Variants in MAP4 observed in about 807,000 individuals in gnomAD.
MAP4 encodes the protein microtubule-associated protein 4.
Under a neutral mutation model 170.2 loss-of-function variants are expected in MAP4, and 76 were observed. The observed-to-expected ratio is 0.45, with a 90% confidence interval of 0.37 to 0.54. The LOEUF (loss-of-function observed/expected upper bound fraction) is 0.54. MAP4 is among the 20% of genes least tolerant of loss of function. The pLI is 0.00. For missense variants in MAP4, 2,506 were observed against 2,748.0 expected (o/e 0.91, Z 1.97); for synonymous variants, 909 against 994.5 (o/e 0.91, Z 1.62).
intron 1 of MAP4, among the ~76,000 whole-genome samples, chr3:48,012,707 T>C (rs896473026): frequency 7.2e-5 from 11 of 151,772 alleles, no homozygotes; most frequent in African/African-American, 2.7e-4. Context: ...CTGCATGTGG[T>C]TCATGGAATA....
chr3:48,059,115 A>T (rs992190836), intron 1 of MAP4, among the ~76,000 whole-genome samples: 6 of 152,162 alleles, frequency 3.9e-5, no homozygotes, highest in Admixed American at 2.0e-4. Context: ...ATCATTAAGT[A>T]ATGAAAGTGA....
chr3:47,891,467 C>G lies in MAP4; in HGVS notation c.5434+11483G>C, dbSNP rs767975300. ...AGCTCCCAGTTTCCCAGGTGTAGGA[C>G]TAGGCATTGGGCTACTAGGGGGAGG... On this transcript the variant is annotated intron_variant, in intron 10 of 20. Transcript: ENST00000683076. The G allele has an allele frequency of 4.6e-6, 7 of 1,525,192 alleles. No individual in the cohort carries two copies. In the South Asian group the frequency reaches 4.9e-5, roughly 11 times the overall value. The allele number at this position is 1,525,192 out of a possible 1,614,324, so 94.5% of individuals were successfully genotyped here. A position where few individuals can be genotyped will look rare whatever the true frequency, so the allele number is the denominator to read the frequency against.
At chr3:47,980,755 T>C (rs1236486147) in intron 2 of MAP4, among the ~76,000 whole-genome samples, 1 of 152,204 alleles carries the variant, frequency 6.6e-6, no homozygotes, top group Non-Finnish European at 1.5e-5. Context: ...TTGGCATAAG[T>C]AAATTCCCTT....
intron 1 of MAP4, among the ~76,000 whole-genome samples, chr3:47,999,488 T>C (rs1374542574): frequency 6.6e-6 from 1 of 152,104 alleles, no homozygotes; most frequent in Non-Finnish European, 1.5e-5. Flanking sequence ...CTTAATTACA[T>C]AATCTGCAGT....
Position 47,915,997 on chromosome 3 carries a change from CA to C in MAP4, c.1829del (p.Leu610ArgfsTer13). 6.2e-7 allele frequency: 1 copy of C among 1,614,074 alleles called. No homozygotes were observed. The highest frequency in any genetic ancestry group is 8.5e-7 in the Non-Finnish European group (1 of 1,179,936). The stretch of plus-strand genomic sequence containing the variant: ...GTGCAGCTGACTGCCCCACATCCTG[CA>C]GAGATTCTAAATGGGAATCCTCACT... ...GISEDSHLES[L>X]QDVGQSAAPT... is the part of the protein sequence containing the mutation. On this transcript the variant is annotated frameshift_variant, in exon 7 of 21. Transcript: ENST00000683076. LOFTEE classifies it high-confidence loss of function.
At chr3:47,938,991 C>T (rs2100054686) in intron 3 of MAP4, among the ~76,000 whole-genome samples, 1 of 152,204 alleles carries the variant, frequency 6.6e-6, no homozygotes, top group South Asian at 2.1e-4. Flanking sequence ...GGCTTGTTCC[C>T]TACTACTCCA....
chr3:47,855,511 A>G lies in MAP4; in HGVS notation c.6584-151T>C. 1.6e-6 allele frequency: 1 copy of G among 635,116 alleles called. No individual in the cohort carries two copies. Among genetic ancestry groups the G allele is most frequent in the Non-Finnish European group, 2.9e-6 (1 of 346,686 alleles). 39.3% of individuals were successfully genotyped at this position (635,116 alleles called of 1,614,324 possible). A position where few individuals can be genotyped will look rare whatever the true frequency, so the allele number is the denominator to read the frequency against. ...GAACAGTGAACACGTTTGTCTAAAGAGGACTTCTCATATCACAGTGAGGCT... is the reference window on the plus strand; with the variant it reads ...GAACAGTGAACACGTTTGTCTAAAGGGGACTTCTCATATCACAGTGAGGCT... On this transcript the variant is annotated intron_variant, in intron 18 of 20. Transcript: ENST00000683076. The surrounding 1 kb of genome is among the most constrained non-coding windows in gnomAD (Gnocchi z 5.1).
Position 48,084,571 on chromosome 3 carries a change from A to AC in MAP4, c.-20+4201dup, listed in dbSNP as rs1345892810. 5.5e-5 allele frequency among the ~76,000 whole-genome samples: 8 copies of AC among 146,404 alleles called. No individual in the cohort carries two copies. In the East Asian group the frequency reaches 1.4e-3, roughly 25 times the overall value. On this transcript the variant is annotated intron_variant, in intron 1 of 18. Coordinates refer to the MAP4 transcript ENST00000360240. Reference sequence around the variant, plus strand: ...CCTATATGTATCAGTGTGCTTTATTACCCCTTTTTTTTTTTTTTGCAGGGG... The same window carrying AC: ...CCTATATGTATCAGTGTGCTTTATTACCCCCTTTTTTTTTTTTTTGCAGGGG...
upstream of MAP4, among the ~76,000 whole-genome samples, chr3:48,018,412 T>G (rs1371138699): frequency 6.6e-6 from 1 of 152,136 alleles, no homozygotes; most frequent in Non-Finnish European, 1.5e-5. Flanking sequence ...GAATCTAATT[T>G]GAAATTAATC....
At chr3:47,947,502 C>A (rs1166325820) in intron 3 of MAP4, among the ~76,000 whole-genome samples, 1 of 152,128 alleles carries the variant, frequency 6.6e-6, no homozygotes, top group Non-Finnish European at 1.5e-5. Flanking sequence ...AATCATCTGC[C>A]AGAACTCTCC....
chr3:47,962,697 T>C (rs564670681), intron 3 of MAP4, among the ~76,000 whole-genome samples: 50 of 152,198 alleles, frequency 3.3e-4, no homozygotes, highest in African/African-American at 1.2e-3. Context: ...AAATGAAAGA[T>C]GTTTAACCCA....
chr3:47,987,193 T>C (rs1158529614), intron 2 of MAP4, among the ~76,000 whole-genome samples: 1 of 152,230 alleles, frequency 6.6e-6, no homozygotes, highest in East Asian at 1.9e-4. Flanking sequence ...TTGAGGTCGC[T>C]AGTAAACTTT....
At chr3:47,887,935 G>C (rs928750124) in intron 10 of MAP4, among the ~76,000 whole-genome samples, 2 of 151,476 alleles carry the variant, frequency 1.3e-5, no homozygotes, top group Non-Finnish European at 2.9e-5. Context: ...TGCACCAATC[G>C]ACACTCTGTA....
intron 2 of MAP4, among the ~76,000 whole-genome samples, chr3:47,981,437 G>A (rs982366040): frequency 1.3e-5 from 2 of 151,784 alleles, no homozygotes; most frequent in African/African-American, 2.4e-5. Context: ...GGTGGCACAC[G>A]CCTATAGTCC....
At chr3:47,892,331 T>C in intron 10 of MAP4, 1 of 1,536,270 alleles carries the variant, frequency 6.5e-7, no homozygotes, top group Non-Finnish European at 8.7e-7. Flanking sequence ...CATGCTGACA[T>C]TCAGCCCAAT....
At chr3:47,870,732 G>A in intron 15 of MAP4, 81 bp downstream of exon 15, 2 of 1,404,282 alleles carry the variant, frequency 1.4e-6, no homozygotes, top group Non-Finnish European at 9.6e-7. Flanking sequence ...TGCTTCTTTG[G>A]TGGGCCTGGG....
chr3:47,906,512 C>T (rs890634185), intron 9 of MAP4, among the ~76,000 whole-genome samples: 1 of 151,680 alleles, frequency 6.6e-6, no homozygotes. Flanking sequence ...GGAGAAACCC[C>T]GTCTCTATTA....
Position 48,028,660 on chromosome 3 carries a change from T to C in MAP4, c.-19-29781A>G, listed in dbSNP as rs182477697. Among the ~76,000 whole-genome samples the C allele has an allele frequency of 3.2e-4, 49 of 151,438 alleles. No homozygotes were observed. The East Asian group carries it at 9.6e-3, about 30-fold the overall frequency. ...TGGTGGCCGGCGCCTGTAGTCCCAA[T>C]TACTCAGGAGGCTGAGGCAGAGAAC... On this transcript the variant is annotated intron_variant, in intron 1 of 18. Transcript: ENST00000360240.
chr3:48,083,764 T>C (rs1241498184), intron 1 of MAP4, among the ~76,000 whole-genome samples: 3 of 151,788 alleles, frequency 2.0e-5, no homozygotes, highest in East Asian at 3.9e-4. Context: ...TCCACTCTTG[T>C]TGCCCAGGCT....
Sources: allele counts gnomAD v4.1 joint callset (sites outside exome capture counted in the v4.1 genomes callset), GRCh38; gene constraint gnomAD v4.1.1; non-coding constraint Gnocchi (gnomAD v3.1); transcripts MANE v1.5; gene names NCBI Gene and HGNC (gene_info 2026-07-23, HGNC 2026-07-21).